KDM4C: variants seen among roughly 807,000 people sequenced by gnomAD.
KDM4C encodes lysine demethylase 4C, also known as lysine-specific demethylase 4C.
Under a neutral mutation model 129.3 loss-of-function variants are expected in KDM4C, and 81 were observed. That is an observed-to-expected ratio of 0.63 (90% CI 0.52 to 0.75). KDM4C has a LOEUF of 0.75. Among genes scored for constraint, KDM4C ranks in the 30% least tolerant of loss-of-function variants. The pLI is 0.00. For missense variants in KDM4C, 1,457 were observed against 1,304.0 expected, an observed-to-expected ratio of 1.12 and a Z score of -1.81; for synonymous variants, 573 against 456.1, an observed-to-expected ratio of 1.26 and a Z score of -3.26.
At chr9:6,818,317 G>C (rs961400785) in intron 4 of KDM4C, among the ~76,000 whole-genome samples, 1 of 152,056 alleles carries the variant, frequency 6.6e-6, no homozygotes, top group Non-Finnish European at 1.5e-5. Context: ...ATTTTTGTTC[G>C]TTTCAGTTTC....
chr9:7,134,054 C>T (rs957695522), intron 19 of KDM4C, among the ~76,000 whole-genome samples: 2 of 152,174 alleles, frequency 1.3e-5, no homozygotes, highest in African/African-American at 4.8e-5. Context: ...AGAGGGCTGC[C>T]CTTCTCCTCT....
At chr9:6,980,471 T>A (rs371114863) in intron 8 of KDM4C, among the ~76,000 whole-genome samples, 19 of 152,194 alleles carry the variant, frequency 1.2e-4, no homozygotes, top group Admixed American at 5.9e-4. Flanking sequence ...ATAAATATAA[T>A]AAAATATATC....
chr9:6,924,601 G>C (rs905626478), intron 8 of KDM4C: 1 of 244,168 alleles, frequency 4.1e-6, no homozygotes, highest in Non-Finnish European at 6.6e-6. Flanking sequence ...TGGTTTTTCT[G>C]TACCTTGCCC....
intron 4 of KDM4C, chr9:6,835,150 T>C: frequency 3.1e-6 from 3 of 972,594 alleles, no homozygotes; most frequent in Middle Eastern, 2.1e-4. Context: ...GGCTTCCAGC[T>C]CCTCCCTGGA....
intron 19 of KDM4C, among the ~76,000 whole-genome samples, chr9:7,133,903 C>T (rs1017544489): frequency 6.6e-6 from 1 of 152,172 alleles, no homozygotes; most frequent in African/African-American, 2.4e-5. Context: ...ATCCCTCTTG[C>T]CTCCTAGATT....
At chr9:6,934,361 T>A (rs900826097) in intron 8 of KDM4C, among the ~76,000 whole-genome samples, 11 of 150,466 alleles carry the variant, frequency 7.3e-5, no homozygotes, top group African/African-American at 2.7e-4. Flanking sequence ...GTCCCTGTAG[T>A]CCCAGCTACT....
chr9:6,746,166 C>G (rs1370975017), intron 1 of KDM4C, among the ~76,000 whole-genome samples: 1 of 151,472 alleles, frequency 6.6e-6, no homozygotes, highest in African/African-American at 2.4e-5. Flanking sequence ...GTCTCACACT[C>G]CTGACCTCAA....
intron 12 of KDM4C, among the ~76,000 whole-genome samples, chr9:6,996,820 G>T (rs532580969): frequency 3.9e-5 from 6 of 152,138 alleles, no homozygotes; most frequent in African/African-American, 1.4e-4. Context: ...TTTTTATGCT[G>T]ATAATTTTTC....
chr9:7,174,142 A>G (rs1845224106), intron 21 of KDM4C, among the ~76,000 whole-genome samples: 1 of 152,224 alleles, frequency 6.6e-6, no homozygotes, highest in Admixed American at 6.5e-5. Flanking sequence ...GGAATTAGCA[A>G]CTAGGACTTC....
At chr9:7,019,686 T>TTATAAAATATAATATTTTTATA in intron 15 of KDM4C, among the ~76,000 whole-genome samples, 1 of 58,604 alleles carries the variant, frequency 1.7e-5, no homozygotes, top group Middle Eastern at 0.012. Flanking sequence ...AGAGACTATA[T>TTATAAAATATAATATTTTTATA]TATAAAAATA....
chr9:6,852,930 C>A (rs945182709), intron 5 of KDM4C, among the ~76,000 whole-genome samples: 6 of 152,042 alleles, frequency 3.9e-5, no homozygotes, highest in African/African-American at 1.4e-4. Flanking sequence ...TTGTGGCCAC[C>A]CCTCCTGCCA....
rs113941455 is a variant in KDM4C, at chr9:7,090,808, T to C, written c.2425-12877T>C. The stretch of plus-strand genomic sequence containing the variant: ...GTAAGAATATATGTTTCCTGTGATA[T>C]GTCCAGTGTGTCCAGCTGTCACTTT... On this transcript the variant is annotated intron_variant, in intron 17 of 21. Coordinates refer to ENST00000381309, the MANE Select transcript of KDM4C (RefSeq NM_015061.6). Among the ~76,000 whole-genome samples the C allele has an allele frequency of 5.9e-3, 906 of 152,350 alleles. 10 individuals carry two copies. Among genetic ancestry groups the C allele is most frequent in the African/African-American group, 0.021 (861 of 41,576 alleles).
At position 6,741,439 on chromosome 9, in the gene KDM4C, T is replaced by A. The variant is rs149450823; in HGVS notation, c.49+20442T>A. On this transcript the variant is annotated intron_variant, in intron 1 of 17. Transcript: ENST00000536108. ...CAAAAACTCAAGAGGAAAAGAATATTCTATTTACCCGGGTACATGCTATTT... is the reference window on the plus strand; with the variant it reads ...CAAAAACTCAAGAGGAAAAGAATATACTATTTACCCGGGTACATGCTATTT... 9.8e-3 allele frequency among the ~76,000 whole-genome samples: 1,493 copies of A among 152,148 alleles called. 29 individuals carry two copies. Among genetic ancestry groups the A allele is most frequent in the African/African-American group, 0.034 (1,425 of 41,528 alleles).
intron 15 of KDM4C, among the ~76,000 whole-genome samples, chr9:7,019,500 GT>G (rs1398456574): frequency 7.3e-5 from 11 of 151,386 alleles, no homozygotes; most frequent in Non-Finnish European, 1.6e-4. Context: ...CATCAGGAAC[GT>G]AAAATATTCC....
intron 1 of KDM4C, among the ~76,000 whole-genome samples, chr9:6,784,520 C>G (rs1458689963): frequency 6.6e-6 from 1 of 152,140 alleles, no homozygotes; most frequent in Non-Finnish European, 1.5e-5. Flanking sequence ...GTGTGAGCCA[C>G]CACACTCGGC....
intron 12 of KDM4C, among the ~76,000 whole-genome samples, chr9:6,994,142 T>G (rs933672875): frequency 6.6e-6 from 1 of 152,116 alleles, no homozygotes; most frequent in African/African-American, 2.4e-5. Flanking sequence ...TGGTTCACAA[T>G]AGGATTTGTG....
intron 8 of KDM4C, among the ~76,000 whole-genome samples, chr9:6,944,652 GTTTTTTTTTT>G (rs1158199897): frequency 4.9e-5 from 4 of 80,996 alleles, no homozygotes; most frequent in South Asian, 6.4e-4. Flanking sequence ...CAAGGTAGAG[GTTTTTTTTTT>G]TTTTTTTTTT....
chr9:6,761,145 G>A (rs1236613841), intron 1 of KDM4C, among the ~76,000 whole-genome samples: 2 of 151,866 alleles, frequency 1.3e-5, no homozygotes, highest in African/African-American at 2.4e-5. Context: ...CAGTAGCTGG[G>A]ATTACAGGCA....
At chr9:7,040,638 T>A (rs1242960083) in intron 15 of KDM4C, among the ~76,000 whole-genome samples, 2 of 152,014 alleles carry the variant, frequency 1.3e-5, no homozygotes, top group East Asian at 3.9e-4. Context: ...TCCTTTTTTT[T>A]TAAAAGGTTG....
Sources: gnomAD v4.1 joint callset for allele counts (sites outside exome capture counted in the v4.1 genomes callset) on GRCh38, gnomAD v4.1.1 for gene constraint, MANE v1.5 for transcripts, NCBI Gene and HGNC (gene_info 2026-07-23, HGNC 2026-07-21) for gene names.